The following PDIA5 variants were observed in gnomAD, a reference collection of about 807,000 sequenced individuals.
PDIA5 encodes protein disulfide-isomerase A5.
PDIA5 carries 58 observed loss-of-function variants against 77.6 expected under a neutral mutation model. The observed-to-expected ratio is 0.75, with a 90% CI of 0.61 to 0.93. The LOEUF (loss-of-function observed/expected upper bound fraction) is 0.93, where lower values mean the gene tolerates loss of function less well. Ranked by LOEUF, PDIA5 falls within the 40% of genes least tolerant of loss-of-function variation. The pLI, the probability that PDIA5 is intolerant of heterozygous loss-of-function variation, is 0.00. For missense variants in PDIA5, 630 were observed against 647.7 expected (o/e 0.97, Z 0.30); for synonymous variants, 250 against 252.1 (o/e 0.99, Z 0.08).
chr3:123,077,549 T>TACACACAC (rs368009624), intron 1 of PDIA5, among the ~76,000 whole-genome samples: 3 of 136,516 alleles, frequency 2.2e-5, no homozygotes, highest in East Asian at 2.2e-4. Context: ...CTCACACACA[T>TACACACAC]ACACACACAC....
At chr3:123,094,485 C>T (rs1672086974) in intron 3 of PDIA5, among the ~76,000 whole-genome samples, 1 of 152,224 alleles carries the variant, frequency 6.6e-6, no homozygotes, top group South Asian at 2.1e-4. Flanking sequence ...CAGCTCCTGC[C>T]CTCCAGTTCA....
chr3:123,072,450 G>C (rs1470049011), intron 1 of PDIA5, among the ~76,000 whole-genome samples: 1 of 152,192 alleles, frequency 6.6e-6, no homozygotes, highest in East Asian at 1.9e-4. Flanking sequence ...AGGCAGTTAA[G>C]AGGAGGAGGT....
At chr3:123,146,879 G>T (rs899547596) in intron 13 of PDIA5, among the ~76,000 whole-genome samples, 1 of 152,032 alleles carries the variant, frequency 6.6e-6, no homozygotes, top group Non-Finnish European at 1.5e-5. Context: ...GCATGATCTC[G>T]GCTCACTGCA....
chr3:123,161,176 G>T, intron 15 of PDIA5, 145 bp from the exon 16 acceptor site: 1 of 776,312 alleles, frequency 1.3e-6, no homozygotes, highest in East Asian at 2.5e-5. Flanking sequence ...CTGAGCTGGG[G>T]GTGCTTTGGT....
intron 1 of PDIA5, among the ~76,000 whole-genome samples, chr3:123,075,138 G>A (rs868573907): frequency 7.0e-4 from 107 of 152,282 alleles, no homozygotes; most frequent in Middle Eastern, 3.4e-3. Flanking sequence ...TCTTATTAGC[G>A]AGTTAAGTAA....
intron 1 of PDIA5, among the ~76,000 whole-genome samples, chr3:123,080,761 G>C (rs1933978420): frequency 6.6e-6 from 1 of 152,146 alleles, no homozygotes; most frequent in Non-Finnish European, 1.5e-5. Flanking sequence ...ATCTATTTGT[G>C]TGTGCCAGAA....
chr3:123,124,170 C>T lies in PDIA5; in HGVS notation c.701+13C>T. ...TCTGCTATTTTGAGTACGTCCCCCA[C>T]TTTCCTTCTAAAGCTCACCTCCCTC... On this transcript the variant is annotated intron_variant, in intron 9 of 16. Transcript: ENST00000316218. 1 of 1,608,620 alleles carries T rather than the reference C, an allele frequency of 6.2e-7. No individual in the cohort carries two copies. The highest frequency in any genetic ancestry group is 2.2e-5 in the East Asian group (1 of 44,876).
At chr3:123,158,978 C>A (rs919729290) in intron 15 of PDIA5, among the ~76,000 whole-genome samples, 3 of 152,210 alleles carry the variant, frequency 2.0e-5, no homozygotes, top group Admixed American at 6.5e-5. Context: ...GTGGATTCAC[C>A]TTTGCAGCTA....
chr3:123,087,126 G>T (rs114689367), intron 1 of PDIA5, among the ~76,000 whole-genome samples: 4,009 of 152,234 alleles, frequency 0.026, 166 homozygotes, highest in African/African-American at 0.086. Context: ...GCTGGGCCCT[G>T]CCAACTGAAG....
chr3:123,102,019 C>T (rs1650780443), intron 3 of PDIA5, among the ~76,000 whole-genome samples: 2 of 148,534 alleles, frequency 1.3e-5, no homozygotes, highest in Admixed American at 7.0e-5. Flanking sequence ...AAGCGATTCT[C>T]CTGCCTCAGC....
intron 1 of PDIA5, among the ~76,000 whole-genome samples, chr3:123,072,148 GAAC>G (rs1225585664): frequency 6.6e-6 from 1 of 152,174 alleles, no homozygotes; most frequent in Non-Finnish European, 1.5e-5. Flanking sequence ...AATTTTCCCA[GAAC>G]AACACTTTCA....
chr3:123,134,262 T>C (rs948558159), intron 11 of PDIA5, among the ~76,000 whole-genome samples: 1 of 152,150 alleles, frequency 6.6e-6, no homozygotes. Context: ...CTTCTATGCC[T>C]GTAGTAAGTA....
At position 123,150,252 on chromosome 3, in the gene PDIA5, C is replaced by A; in HGVS notation, c.1161C>A (p.Pro387=). ...CTTGCAGCCCTGAGGCCCCCCCGCC[C>A]CCAGAGCCCACGTGGGAAGAGCAGC... is the stretch of plus-strand genomic sequence containing the variant. ...EWMQNPEAPP[P]PEPTWEEQQT... The change falls in exon 14 of 17, where the codon CCC becomes CCA. Residue 387 remains proline (P), a synonymous_variant. Transcript: ENST00000316218. 4 of 1,613,402 alleles carry A rather than the reference C, an allele frequency of 2.5e-6. No individual in the cohort carries two copies. Among genetic ancestry groups the A allele is most frequent in the Non-Finnish European group, 3.4e-6 (4 of 1,179,524 alleles).
At chr3:123,090,394 A>C (rs1934253040) in intron 2 of PDIA5, among the ~76,000 whole-genome samples, 1 of 152,226 alleles carries the variant, frequency 6.6e-6, no homozygotes, top group Admixed American at 6.5e-5. Context: ...GAGGACTGTC[A>C]GTGATAGACA....
intron 1 of PDIA5, among the ~76,000 whole-genome samples, chr3:123,071,971 G>C (rs1369865890): frequency 6.6e-6 from 1 of 152,184 alleles, no homozygotes; most frequent in Non-Finnish European, 1.5e-5. Flanking sequence ...TGAGTCTGGG[G>C]ATGAGGGGAG....
At chr3:123,128,121 G>A (rs1192656652) in intron 10 of PDIA5, among the ~76,000 whole-genome samples, 1 of 152,166 alleles carries the variant, frequency 6.6e-6, no homozygotes, top group Non-Finnish European at 1.5e-5. Context: ...AGAGGGGAGA[G>A]CCCTAGGATC....
Position 123,099,377 on chromosome 3 carries a change from C to A in PDIA5, c.258-3034C>A, listed in dbSNP as rs527684578. ...GCACAAAACCAAGCCCTTGGCTTCA[C>A]GGAGCACATGTTTCTGGAGCCAGTG... On this transcript the variant is annotated intron_variant, in intron 3 of 16. Transcript: ENST00000316218. Among the ~76,000 whole-genome samples the A allele has an allele frequency of 2.6e-5, 4 of 152,340 alleles. No homozygotes were observed. The East Asian group carries it at 7.7e-4, about 29-fold the overall frequency.
intron 8 of PDIA5, 67 bp from the exon 9 acceptor site, chr3:123,123,999 T>TG (rs1279212363): frequency 2.9e-5 from 28 of 950,068 alleles, no homozygotes; most frequent in Non-Finnish European, 4.7e-5. Context: ...GCTGGACAGA[T>TG]GGCGTGTGGA....
rs74975816 is a variant in PDIA5 at position 123,138,456 on chromosome 3, T to G, written c.911-7066T>G. On this transcript the variant is annotated intron_variant, in intron 11 of 16. Transcript: ENST00000316218. ...TTGAAGGTTTGAGTTGTTTACCATA[T>G]TTCCCATTATAAATCATGCTGCAAA... 4.8e-3 allele frequency among the ~76,000 whole-genome samples: 734 copies of G among 152,344 alleles called. 2 individuals are homozygous for G. Among genetic ancestry groups the G allele is most frequent in the Non-Finnish European group, 8.0e-3 (546 of 68,036 alleles).
Sources: allele counts gnomAD v4.1 joint callset (sites outside exome capture counted in the v4.1 genomes callset), GRCh38; gene constraint gnomAD v4.1.1; transcripts MANE v1.5; gene names NCBI Gene and HGNC (gene_info 2026-07-23, HGNC 2026-07-21).